PHRF1: variants seen among roughly 807,000 people sequenced by gnomAD.
PHRF1 encodes the protein PHD and RING finger domain-containing protein 1.
A neutral mutation model predicts 128.9 loss-of-function variants in PHRF1; 53 were observed. The observed-to-expected ratio is 0.41, with a 90% CI of 0.33 to 0.52. The LOEUF is 0.52. PHRF1 is among the 20% of genes least tolerant of loss of function. The pLI is 0.21. For synonymous variants in PHRF1, 1,178 were observed against 980.6 expected, an observed-to-expected ratio of 1.20 and a Z score of -3.76; for missense variants, 2,503 against 2,284.5, an observed-to-expected ratio of 1.10 and a Z score of -1.95.
In PHRF1 at chr11:607,915, A is replaced by G. The variant is rs1369822893; in HGVS notation, c.2459A>G (p.Lys820Arg). 3.1e-6 allele frequency: 5 copies of G among 1,612,638 alleles called. No homozygotes were observed. Among genetic ancestry groups the G allele is most frequent in the Non-Finnish European group, 4.2e-6 (5 of 1,179,858 alleles). ...AACCCCTCACCCCTCTTCTCCATCA[A>G]GAAGACGAAGCAGCTGCGGAGCGAG... ...KENPSPLFSI[K>R]KTKQLRSEVY... is the part of the protein sequence containing the mutation. Residue 820 changes from lysine to arginine, a missense_variant, in exon 14 of 18, where the codon AAG (lysine) becomes AGG (arginine). Transcript: ENST00000264555.
chr11:604,826 GT>G (rs1855848113), intron 10 of PHRF1, among the ~76,000 whole-genome samples: 1 of 152,210 alleles, frequency 6.6e-6, no homozygotes, highest in Non-Finnish European at 1.5e-5. Flanking sequence ...TCAGTCATCA[GT>G]TGAATTTTTT....
At chr11:609,811 C>T (rs1856248391) in intron 14 of PHRF1, 91 bp downstream of exon 14, 3 of 839,372 alleles carry the variant, frequency 3.6e-6, no homozygotes, top group Non-Finnish European at 1.7e-6. Context: ...GTGAGTAAGG[C>T]CCCGGCCTCC....
At chr11:604,945 G>C (rs1300442044) in intron 10 of PHRF1, among the ~76,000 whole-genome samples, 174 bp from the exon 11 acceptor site, 1 of 152,192 alleles carries the variant, frequency 6.6e-6, no homozygotes, top group Non-Finnish European at 1.5e-5. Flanking sequence ...CGATGTGTGC[G>C]GCATTGTTCC....
At chr11:576,813 C>CGTGGCCTG (rs1564833251) in intron 1 of PHRF1, among the ~76,000 whole-genome samples, 5 of 80,268 alleles carry the variant, frequency 6.2e-5, no homozygotes, top group Non-Finnish European at 8.8e-5. Context: ...CTGGGAGGCC[C>CGTGGCCTG]CGCCGAGACT....
rs376681094 is a variant in PHRF1, at chr11:597,003, G to C, written c.701G>C (p.Gly234Ala). The C allele has an allele frequency of 6.2e-7, 1 of 1,613,754 alleles. No homozygotes were observed. The highest frequency in any genetic ancestry group is 1.3e-5 in the African/African-American group (1 of 74,918). Reference protein sequence around the residue: ...EWFCPECAAPGVVLAADAGPV... With the variant: ...EWFCPECAAPAVVLAADAGPV... ...TTCTGCCCGGAATGTGCTGCGCCTG[G>C]TGTTGTCCTTGCCGCTGGTAAGGAC... The change falls in exon 7 of 18, where the codon GGT becomes GCT. Residue 234 changes from glycine to alanine, a missense_variant. Transcript: ENST00000264555. The surrounding 1 kb of genome is among the most constrained non-coding windows in gnomAD (Gnocchi z 6.5).
At chr11:579,420 G>A (rs552671040) in intron 1 of PHRF1, among the ~76,000 whole-genome samples, 1 of 152,362 alleles carries the variant, frequency 6.6e-6, no homozygotes, top group South Asian at 2.1e-4. Flanking sequence ...GTTGGAGCAG[G>A]CGTCCTGGAA....
chr11:605,526 C>T (rs2133055791), intron 11 of PHRF1, 79 bp from the exon 12 acceptor site: 1 of 1,573,930 alleles, frequency 6.4e-7, no homozygotes, highest in Non-Finnish European at 8.6e-7. Context: ...GGCCATCCTC[C>T]TCCGTGCCGT....
chr11:590,035 G>A (rs570197121), intron 4 of PHRF1, among the ~76,000 whole-genome samples: 12 of 151,434 alleles, frequency 7.9e-5, no homozygotes, highest in African/African-American at 2.4e-4. Context: ...GGCATGGAGC[G>A]TGCGGGGCTC....
intron 1 of PHRF1, among the ~76,000 whole-genome samples, chr11:578,378 C>A (rs1854008160): frequency 6.6e-6 from 1 of 152,146 alleles, no homozygotes. Flanking sequence ...TGGAGTCTTC[C>A]CTCACCAGCT....
At position 607,859 on chromosome 11, in the gene PHRF1, G is replaced by A; in HGVS notation, c.2403G>A (p.Arg801=). The change falls in exon 14 of 18, where the codon CGG becomes CGA. Residue 801 remains arginine (R), a synonymous_variant. Transcript: ENST00000264555. ...LSSPGFCNTF[R]PVDDKEQRKE... ...GCCCTGGCTTCTGTAACACGTTCCG[G>A]CCTGTGGACGATAAGGAGCAGAGGA... is the stretch of plus-strand genomic sequence containing the variant. 1 of 1,612,796 alleles carries A rather than the reference G, an allele frequency of 6.2e-7. No homozygotes were observed. The highest frequency in any genetic ancestry group is 1.1e-5 in the South Asian group (1 of 91,088).
Position 605,168 on chromosome 11 carries a change from G to C in PHRF1, c.1202G>C (p.Arg401Thr). ...ATCGCGCGGACGCTGGGCCTGCGCAGGCCTGTTCACAGCAGCTGCATCCCG... is the reference window on the plus strand; with the variant it reads ...ATCGCGCGGACGCTGGGCCTGCGCACGCCTGTTCACAGCAGCTGCATCCCG... ...SRIARTLGLR[R>T]PVHSSCIPSV... is the part of the protein sequence containing the mutation. Residue 401 changes from arginine (R) to threonine (T), a missense_variant, in exon 11 of 18, where the codon AGG (arginine) becomes ACG (threonine). By Grantham distance (71) the Arg-to-Thr change is moderately conservative. Transcript: ENST00000264555. 1.9e-6 allele frequency: 3 copies of C among 1,613,608 alleles called. No homozygotes were observed. The highest frequency in any genetic ancestry group is 2.5e-6 in the Non-Finnish European group (3 of 1,179,866).
chr11:606,010 C>T (rs980677260), intron 12 of PHRF1, among the ~76,000 whole-genome samples: 3 of 152,242 alleles, frequency 2.0e-5, no homozygotes, highest in Non-Finnish European at 4.4e-5. Context: ...AGCACAGGGA[C>T]ACCGCCTCGG....
chr11:611,592 T>G (rs374495339), intron 17 of PHRF1, 42 bp from the exon 18 acceptor site: 1 of 1,611,990 alleles, frequency 6.2e-7, no homozygotes, highest in East Asian at 2.2e-5. Flanking sequence ...CCGGAACATC[T>G]GGATGTGAAA....
rs1431844271 is a variant in PHRF1 at position 608,144 on chromosome 11, C to T, written c.2688C>T (p.Leu896=). Residue 896 remains leucine, a synonymous_variant, in exon 14 of 18, where the codon CTC becomes CTT. Transcript: ENST00000264555. The part of the protein sequence containing the change: ...SIFGTEPEPP[L]GPSSAMSKLR... Reference sequence around the variant, plus strand: ...TTGGTACAGAGCCCGAACCCCCTCTCGGACCGTCCTCCGCCATGTCCAAGC... The same window carrying T: ...TTGGTACAGAGCCCGAACCCCCTCTTGGACCGTCCTCCGCCATGTCCAAGC... 27 of 1,611,338 alleles carry T rather than the reference C, an allele frequency of 1.7e-5. No homozygotes were observed. The highest frequency in any genetic ancestry group is 2.2e-5 in the East Asian group (1 of 44,874).
intron 10 of PHRF1, among the ~76,000 whole-genome samples, chr11:602,987 T>C (rs533978297): frequency 6.6e-6 from 1 of 152,210 alleles, no homozygotes; most frequent in South Asian, 2.1e-4. Flanking sequence ...GGTCTTGAAC[T>C]CCTGACCTCG....
At chr11:599,236 CTTTTT>C (rs1554908051) in intron 9 of PHRF1, among the ~76,000 whole-genome samples, 1 of 125,012 alleles carries the variant, frequency 8.0e-6, no homozygotes, top group Non-Finnish European at 1.8e-5. Context: ...CATACTTTTT[CTTTTT>C]TTTTTTCTTT....
At chr11:587,934 GTATTT>G (rs1417058584) in intron 4 of PHRF1, among the ~76,000 whole-genome samples, 7 of 152,210 alleles carry the variant, frequency 4.6e-5, no homozygotes, top group African/African-American at 1.4e-4. Context: ...AACGTGCAGT[GTATTT>G]TATATTTCAA....
rs751998540 is a variant in PHRF1, at chr11:609,246, T to G, written c.3790T>G (p.Ser1264Ala). The change falls in exon 14 of 18, where the codon TCC (serine) becomes GCC (alanine). Residue 1264 changes from serine to alanine, a missense_variant. Physicochemically the swap from Ser to Ala is moderately conservative, Grantham distance 99. Coordinates refer to ENST00000264555, the MANE Select transcript of PHRF1 (RefSeq NM_001286581.2). ...PDDLDLDYGD[S>A]VEAGHVFDDF... is the part of the protein sequence containing the mutation. ...CGACCTGGACCTGGATTATGGCGAC[T>G]CCGTGGAGGCCGGACACGTCTTTGA... is the stretch of plus-strand genomic sequence containing the variant. The G allele has an allele frequency of 5.6e-6, 9 of 1,611,580 alleles. No individual in the cohort carries two copies. The South Asian group carries it at 7.7e-5, about 14-fold the overall frequency.
chr11:582,556 C>A (rs560873879), intron 3 of PHRF1, among the ~76,000 whole-genome samples: 2 of 151,890 alleles, frequency 1.3e-5, no homozygotes, highest in Admixed American at 6.6e-5. Flanking sequence ...GACGGAGTCT[C>A]GCTCTGTCGC....
Sources: allele counts gnomAD v4.1 joint callset (sites outside exome capture counted in the v4.1 genomes callset), GRCh38; gene constraint gnomAD v4.1.1; non-coding constraint Gnocchi (gnomAD v3.1); transcripts MANE v1.5; gene names NCBI Gene and HGNC (gene_info 2026-07-23, HGNC 2026-07-21).